The following ITSN1 variants were observed in gnomAD, a reference collection of about 807,000 sequenced individuals.
ITSN1 encodes intersectin-1.
Under a neutral mutation model 239.8 loss-of-function variants are expected in ITSN1, and 58 were observed. That is an observed-to-expected ratio of 0.24 (90% CI 0.20 to 0.30). The LOEUF (loss-of-function observed/expected upper bound fraction) is 0.30. ITSN1 is among the 10% of genes least tolerant of loss of function. ITSN1 has a pLI of 1.00. For missense variants in ITSN1, 1,558 were observed against 2,103.3 expected (o/e 0.74, Z 5.07); for synonymous variants, 780 against 770.8 (o/e 1.01, Z -0.20).
At chr21:33,767,371 G>A (rs899749288) in intron 10 of ITSN1, among the ~76,000 whole-genome samples, 3 of 152,118 alleles carry the variant, frequency 2.0e-5, no homozygotes, top group Admixed American at 6.5e-5. Flanking sequence ...AGGAATTTAA[G>A]GTTACTTGAG....
intron 1 of ITSN1, among the ~76,000 whole-genome samples, chr21:33,649,495 G>A (rs1351325180): frequency 6.6e-6 from 1 of 152,116 alleles, no homozygotes. Context: ...TTAGCTTACT[G>A]CCCAGAGAGA....
At chr21:33,745,413 G>A (rs998030643) in intron 5 of ITSN1, among the ~76,000 whole-genome samples, 3 of 152,222 alleles carry the variant, frequency 2.0e-5, no homozygotes, top group Non-Finnish European at 4.4e-5. Context: ...TGCCTGAGTT[G>A]AGATGAGCAA....
In ITSN1 at chr21:33,858,596, G is replaced by C; in HGVS notation, c.3784-90G>C. The C allele has an allele frequency of 1.9e-5, 15 of 781,060 alleles. No homozygotes were observed. In the South Asian group the frequency reaches 2.5e-4, roughly 13 times the overall value. The allele number at this position is 781,060 out of a possible 1,614,324, so 48.4% of individuals were successfully genotyped here. The stretch of plus-strand genomic sequence containing the variant: ...TCTCAGCCAAGGTACAGACACCTGA[G>C]CCCTTTCCCTGCTCTCAGCGGATCG... On this transcript the variant is annotated intron_variant, in intron 30 of 39. Transcript: ENST00000381318.
At chr21:33,841,103 C>T (rs1350415527) in intron 29 of ITSN1, among the ~76,000 whole-genome samples, 2 of 152,214 alleles carry the variant, frequency 1.3e-5, no homozygotes, top group African/African-American at 2.4e-5. Context: ...AGCAGTAACT[C>T]GGCCCTATGT....
chr21:33,784,364 A>C (rs2070468349), intron 16 of ITSN1, among the ~76,000 whole-genome samples: 2 of 124,870 alleles, frequency 1.6e-5, no homozygotes, highest in African/African-American at 5.8e-5. Context: ...CTAGTCAGGT[A>C]TGGTGGCATG....
rs370825003 is a variant in ITSN1 at position 33,888,321 on chromosome 21, T to G, written c.*21T>G. 32 of 1,600,280 alleles carry G rather than the reference T, an allele frequency of 2.0e-5. No homozygotes were observed. The highest frequency in any genetic ancestry group is 2.6e-6 in the Non-Finnish European group (3 of 1,172,304). ...CGTAGGCAGCGGGCTCAGGGTGTGC[T>G]CAGCAGGGTCCCAGCCCACGGCCAC... On this transcript the variant is annotated 3_prime_UTR_variant, in exon 40 of 40. Transcript: ENST00000381318.
intron 31 of ITSN1, among the ~76,000 whole-genome samples, chr21:33,861,283 C>A (rs113883685): frequency 2.6e-5 from 4 of 152,132 alleles, no homozygotes; most frequent in African/African-American, 9.6e-5. Context: ...GGGCTCCTAG[C>A]AGCCGAGAGA....
intron 29 of ITSN1, among the ~76,000 whole-genome samples, chr21:33,848,345 G>A (rs2075048352): frequency 1.3e-5 from 2 of 152,234 alleles, no homozygotes; most frequent in South Asian, 2.1e-4. Flanking sequence ...AGACCCTGCC[G>A]AGGAGAGAGG....
In ITSN1 at chr21:33,772,049, C is replaced by T. The variant is rs1295767482; in HGVS notation, c.1043-12C>T. 29 of 1,612,646 alleles carry T rather than the reference C, an allele frequency of 1.8e-5. No individual in the cohort carries two copies. Among genetic ancestry groups the T allele is most frequent in the Non-Finnish European group, 2.5e-5 (29 of 1,179,018 alleles). On this transcript the variant is annotated splice_polypyrimidine_tract_variant and intron_variant, in intron 11 of 39. Coordinates refer to ENST00000381318, the MANE Select transcript of ITSN1 (RefSeq NM_003024.3). ...CTTGAGTTTTCATAGTTGCTGTGTT[C>T]CTTGTCTGAAGTAACGTTTGAAGAT... is the stretch of plus-strand genomic sequence containing the variant.
At chr21:33,745,729 G>A (rs2067138457) in intron 5 of ITSN1, among the ~76,000 whole-genome samples, 1 of 152,170 alleles carries the variant, frequency 6.6e-6, no homozygotes, top group African/African-American at 2.4e-5. Context: ...TGACAATTCT[G>A]GCCACAGAAG....
intron 22 of ITSN1, chr21:33,817,302 C>A (rs2073345527): frequency 1.5e-6 from 2 of 1,304,272 alleles, no homozygotes; most frequent in African/African-American, 1.5e-5. Flanking sequence ...TCTTCCCGGA[C>A]CCCCTGCAGT....
At chr21:33,829,527 G>A in intron 26 of ITSN1, 97 bp from the exon 27 acceptor site, 5 of 1,282,640 alleles carry the variant, frequency 3.9e-6, no homozygotes, top group Non-Finnish European at 4.4e-6. Flanking sequence ...TGGTTTTGAT[G>A]TGTTCATCTG....
At chr21:33,799,695 T>C in intron 18 of ITSN1, 113 bp from the exon 19 acceptor site, 1 of 1,159,660 alleles carries the variant, frequency 8.6e-7, no homozygotes. Flanking sequence ...AGGGAAATAG[T>C]TCAGAGGTTA....
At chr21:33,785,462 C>T (rs200971021) in intron 16 of ITSN1, among the ~76,000 whole-genome samples, 6 of 105,200 alleles carry the variant, frequency 5.7e-5, no homozygotes, top group Non-Finnish European at 1.4e-4. Flanking sequence ...CTTATACTTT[C>T]CTTTTCTTTT....
At chr21:33,826,311 A>G (rs560049883) in intron 25 of ITSN1, among the ~76,000 whole-genome samples, 54 of 152,364 alleles carry the variant, frequency 3.5e-4, no homozygotes, top group African/African-American at 1.2e-3. Context: ...GAGAGGTTCC[A>G]GTTGTCCCTG....
At position 33,781,976 on chromosome 21, in the gene ITSN1, G is replaced by T. The variant is rs201793035; in HGVS notation, c.1685-18G>T. 1.9e-6 allele frequency: 3 copies of T among 1,569,714 alleles called. No individual in the cohort carries two copies. Among genetic ancestry groups the T allele is most frequent in the Non-Finnish European group, 2.6e-6 (3 of 1,163,080 alleles). ...AAATTAAAGTTTTTCTTATCTTTGC[G>T]ACGTTTTTCTAAAATAGGAGATTCA... On this transcript the variant is annotated intron_variant, in intron 15 of 39. Transcript: ENST00000381318.
rs376442773 is a variant in ITSN1, at chr21:33,826,766, T to C, written c.3184-52T>C. On this transcript the variant is annotated intron_variant, in intron 25 of 39. Transcript: ENST00000381318. Reference sequence around the variant, plus strand: ...GTATCATCATTAATCGTTTTTAAAGTTGCATGATCAAAACTTCAGCATGCA... The same window carrying C: ...GTATCATCATTAATCGTTTTTAAAGCTGCATGATCAAAACTTCAGCATGCA... The C allele has an allele frequency of 9.0e-6, 14 of 1,550,136 alleles. No homozygotes were observed. In the African/African-American group the frequency reaches 1.8e-4, roughly 20 times the overall value.
At chr21:33,670,962 T>C (rs565315478) in intron 1 of ITSN1, among the ~76,000 whole-genome samples, 2 of 152,372 alleles carry the variant, frequency 1.3e-5, no homozygotes, top group South Asian at 4.1e-4. Flanking sequence ...GTGGTAATTA[T>C]ATTCCTAGCA....
rs927417931 is a variant in ITSN1, at chr21:33,893,871, T to A, written c.*5571T>A. On this transcript the variant is annotated 3_prime_UTR_variant, in exon 40 of 40. Transcript: ENST00000381318. ...AGCCAGAAAAAAAAAAATCTATTCC[T>A]GATAGGCATGGAAACTTAGTCCACA... 3 of 152,150 alleles carry A rather than the reference T, an allele frequency of 2.0e-5. No individual in the cohort carries two copies. Among genetic ancestry groups the A allele is most frequent in the African/African-American group, 7.2e-5 (3 of 41,424 alleles). 9.4% of individuals were successfully genotyped at this position (152,150 alleles called of 1,614,324 possible).
Sources: gnomAD v4.1 joint callset for allele counts (sites outside exome capture counted in the v4.1 genomes callset) on GRCh38, gnomAD v4.1.1 for gene constraint, MANE v1.5 for transcripts, NCBI Gene and HGNC (gene_info 2026-07-23, HGNC 2026-07-21) for gene names.